Variants in SH3GLB2 observed in about 807,000 individuals in gnomAD.
SH3GLB2 encodes the protein endophilin-B2.
Under a neutral mutation model 48.0 loss-of-function variants are expected in SH3GLB2, and 24 were observed. The observed-to-expected ratio is 0.50, with a 90% CI of 0.36 to 0.70. The LOEUF is 0.70. Ranked by LOEUF, SH3GLB2 falls within the 30% of genes least tolerant of loss-of-function variation. SH3GLB2 has a pLI of 0.00. For missense variants in SH3GLB2, 425 were observed against 516.0 expected, an observed-to-expected ratio of 0.82 and a Z score of 1.71; for synonymous variants, 227 against 207.6, an observed-to-expected ratio of 1.09 and a Z score of -0.80.
At chr9:129,021,432 A>G (rs369326477) in intron 2 of SH3GLB2, among the ~76,000 whole-genome samples, 1 of 152,148 alleles carries the variant, frequency 6.6e-6, no homozygotes, top group African/African-American at 2.4e-5. Context: ...TCCCTTATTA[A>G]TATGATTACA....
rs749330207 is a variant in SH3GLB2, at chr9:129,022,435, G to C, written c.64-12C>G. 3 of 1,612,610 alleles carry C rather than the reference G, an allele frequency of 1.9e-6. No individual in the cohort carries two copies. In the African/African-American group the frequency reaches 4.0e-5, roughly 22 times the overall value. On this transcript the variant is annotated splice_polypyrimidine_tract_variant and intron_variant, in intron 1 of 10. Coordinates refer to ENST00000372564, the MANE Select transcript of SH3GLB2 (RefSeq NM_020145.4). The stretch of plus-strand genomic sequence containing the variant: ...TTCTCCTCCGTGAACTACGCAGAGG[G>C]GAAGGCCAAGGGGTGGGGAGGGGGA...
chr9:129,024,822 T>C (rs1844045001), intron 1 of SH3GLB2, among the ~76,000 whole-genome samples: 1 of 148,924 alleles, frequency 6.7e-6, no homozygotes, highest in African/African-American at 2.5e-5. Context: ...TACAAAAAAT[T>C]AGCCAAGCGT....
intron 3 of SH3GLB2, among the ~76,000 whole-genome samples, chr9:129,017,735 G>T (rs1188948824): frequency 7.0e-6 from 1 of 142,340 alleles, no homozygotes; most frequent in Non-Finnish European, 1.5e-5. Context: ...CGTCTCCACT[G>T]AAAAAAAAAA....
rs1564575733 is a variant in SH3GLB2 at position 129,010,650 on chromosome 9, C to A, written c.648+20G>T. ...GCCACCCCTTCTTCCTCGAGCCCAG[C>A]CCCCCAGGCCCCAACTTACCTTGTC... On this transcript the variant is annotated intron_variant, in intron 7 of 10. Transcript: ENST00000372564. The A allele has an allele frequency of 6.2e-7, 1 of 1,613,510 alleles. No homozygotes were observed. The highest frequency in any genetic ancestry group is 1.7e-5 in the Admixed American group (1 of 59,998).
At chr9:129,017,897 CAAACA>C (rs1843531633) in intron 3 of SH3GLB2, among the ~76,000 whole-genome samples, 1 of 87,578 alleles carries the variant, frequency 1.1e-5, no homozygotes, top group African/African-American at 4.9e-5. Flanking sequence ...GATTCCGTCT[CAAACA>C]AAAAAAAAAA....
intron 1 of SH3GLB2, among the ~76,000 whole-genome samples, chr9:129,023,073 G>A (rs1843913062): frequency 2.0e-5 from 3 of 152,222 alleles, no homozygotes; most frequent in African/African-American, 7.2e-5. Context: ...GAGGAAAGAT[G>A]TGGGTTAGAC....
Position 129,022,983 on chromosome 9 carries a change from G to A in SH3GLB2, c.64-560C>T, listed in dbSNP as rs78880988. 5.1e-3 allele frequency among the ~76,000 whole-genome samples: 783 copies of A among 152,300 alleles called. 4 individuals carry two copies. The highest frequency in any genetic ancestry group is 0.017 in the African/African-American group (687 of 41,564). ...CAAGATGTGTGACTTTGGGCAAGGG[G>A]CTCTGCCTCTCTGAGCATTGGTTTC... On this transcript the variant is annotated intron_variant, in intron 1 of 10. Transcript: ENST00000372564.
At chr9:129,027,665 G>A (rs975169667) in intron 1 of SH3GLB2, among the ~76,000 whole-genome samples, 7 of 152,236 alleles carry the variant, frequency 4.6e-5, no homozygotes, top group Non-Finnish European at 8.8e-5. Context: ...CCATTGCACA[G>A]GTGCGGAGAC....
chr9:129,026,149 AC>A (rs1844149458), intron 1 of SH3GLB2, among the ~76,000 whole-genome samples: 1 of 152,070 alleles, frequency 6.6e-6, no homozygotes, highest in African/African-American at 2.4e-5. Context: ...TCCCAGAATG[AC>A]CCATACAAAA....
At position 129,011,130 on chromosome 9, in the gene SH3GLB2, CAA is replaced by C. The variant is rs956291671; in HGVS notation, c.625-439_625-438del. 1.2e-5 allele frequency: 2 copies of C among 169,522 alleles called. No homozygotes were observed. Among genetic ancestry groups the C allele is most frequent in the African/African-American group, 4.8e-5 (2 of 41,958 alleles). 10.5% of individuals were successfully genotyped at this position (169,522 alleles called of 1,614,324 possible). A position where few individuals can be genotyped will look rare whatever the true frequency, so the allele number is the denominator to read the frequency against. On this transcript the variant is annotated intron_variant, in intron 6 of 10. Transcript: ENST00000372564. The surrounding 1 kb of genome is among the most constrained non-coding windows in gnomAD (Gnocchi z 4.5). ...CTTGAGTCACACTGGGACTCAATGG[CAA>C]AAGAAAAACAGGGCAGTCTCCACCC... is the stretch of plus-strand genomic sequence containing the variant.
At chr9:129,012,371 C>G in intron 5 of SH3GLB2, 73 bp from the exon 6 acceptor site, 1 of 984,644 alleles carries the variant, frequency 1.0e-6, no homozygotes, top group Non-Finnish European at 1.3e-6. Context: ...CAGGAGGCTA[C>G]CCCAGAGTCT....
Position 129,011,935 on chromosome 9 carries a change from G to C in SH3GLB2, c.624+301C>G. The stretch of plus-strand genomic sequence containing the variant: ...GACAGCAGGAGGTGGAGGGGCCCTG[G>C]GGATGGGACAGCTGCCGCCCTGAGT... On this transcript the variant is annotated intron_variant, in intron 6 of 10. Coordinates refer to ENST00000372564, the MANE Select transcript of SH3GLB2 (RefSeq NM_020145.4). This position sits in a 1 kb window ranked among gnomAD's most constrained non-coding sequence, Gnocchi z 4.5. 1 of 340,912 alleles carries C rather than the reference G, an allele frequency of 2.9e-6. No homozygotes were observed. Among genetic ancestry groups the C allele is most frequent in the African/African-American group, 2.1e-5 (1 of 47,420 alleles). The allele number at this position is 340,912 out of a possible 1,614,324, so 21.1% of individuals were successfully genotyped here. A position where few individuals can be genotyped will look rare whatever the true frequency, so the allele number is the denominator to read the frequency against.
At chr9:129,010,362 C>T in intron 7 of SH3GLB2, 153 bp from the exon 8 acceptor site, 1 of 680,908 alleles carries the variant, frequency 1.5e-6, no homozygotes, top group Non-Finnish European at 2.5e-6. Context: ...CCTGGAGCCC[C>T]AACCCCAGAG....
rs950907473 is a variant in SH3GLB2, at chr9:129,014,779, T to C, written c.460A>G (p.Thr154Ala). The C allele has an allele frequency of 6.2e-7, 1 of 1,612,950 alleles. No individual in the cohort carries two copies. The highest frequency in any genetic ancestry group is 8.5e-7 in the Non-Finnish European group (1 of 1,179,630). ...AGTCCCAGGGCCCTCACCGAGATGG[T>C]CTTCCAGTCCCCCTCCAGGAAGTTG... ...LRNFLEGDWK[T>A]ISKERRLLQN... is the part of the protein sequence containing the mutation. The change falls in exon 4 of 11, where the codon ACC becomes GCC. Residue 154 changes from threonine to alanine, a missense_variant. Coordinates refer to ENST00000372564, the MANE Select transcript of SH3GLB2 (RefSeq NM_020145.4). This position sits in a 1 kb window ranked among gnomAD's most constrained non-coding sequence, Gnocchi z 4.1.
intron 3 of SH3GLB2, among the ~76,000 whole-genome samples, chr9:129,016,329 G>A (rs1166070172): frequency 8.8e-6 from 1 of 114,016 alleles, no homozygotes; most frequent in Non-Finnish European, 1.7e-5. Flanking sequence ...GGCAACAAGA[G>A]CAAGACTGTC....
rs756747091 is a variant in SH3GLB2, at chr9:129,014,771, C to T, written c.468G>A (p.Ser156=). ...NFLEGDWKTI[S]KERRLLQNRR... is the part of the protein sequence containing the mutation. Reference sequence around the variant, plus strand: ...AGCGGAATAGTCCCAGGGCCCTCACCGAGATGGTCTTCCAGTCCCCCTCCA... The same window carrying T: ...AGCGGAATAGTCCCAGGGCCCTCACTGAGATGGTCTTCCAGTCCCCCTCCA... Residue 156 remains serine, a splice_region_variant and synonymous_variant, in exon 4 of 11, where the codon TCG becomes TCA. Transcript: ENST00000372564. This position sits in a 1 kb window ranked among gnomAD's most constrained non-coding sequence, Gnocchi z 4.1. The T allele has an allele frequency of 3.1e-6, 5 of 1,612,628 alleles. No individual in the cohort carries two copies. Among genetic ancestry groups the T allele is most frequent in the Non-Finnish European group, 4.2e-6 (5 of 1,179,458 alleles).
rs1230822663 is a variant in SH3GLB2, at chr9:129,009,795, A to C, written c.815T>G (p.Leu272Arg). Reference protein sequence around the residue: ...TYYAQCYRHMLDLQKQLGRFP... With the variant: ...TYYAQCYRHMRDLQKQLGRFP... ...CCTGCCCAGCTGCTTCTGCAAGTCC[A>C]GCATGTGGCGGTAGCACTGTGCGTA... The change falls in exon 9 of 11, where the codon CTG becomes CGG. Residue 272 changes from leucine (L) to arginine (R), a missense_variant. Leu to Arg is a moderately radical substitution (Grantham distance 102). Transcript: ENST00000372564. 1 of 1,613,740 alleles carries C rather than the reference A, an allele frequency of 6.2e-7. No individual in the cohort carries two copies. The highest frequency in any genetic ancestry group is 1.7e-5 in the Admixed American group (1 of 59,946).
At position 129,028,193 on chromosome 9, in the gene SH3GLB2, G is replaced by A; in HGVS notation, c.-39C>T. On this transcript the variant is annotated 5_prime_UTR_variant, in exon 1 of 11. Transcript: ENST00000372564. ...GGCCGCCGCGCACGGCCCGAGCGCA[G>A]CCGGCAGCCCCCGGCCCAGCCGCCG... 13 of 1,297,462 alleles carry A rather than the reference G, an allele frequency of 1.0e-5. No homozygotes were observed. The highest frequency in any genetic ancestry group is 1.3e-5 in the Non-Finnish European group (13 of 1,017,430). 80.4% of individuals were successfully genotyped at this position (1,297,462 alleles called of 1,614,324 possible).
chr9:129,012,978 C>T, intron 5 of SH3GLB2: 1 of 1,551,004 alleles, frequency 6.4e-7, no homozygotes, highest in Non-Finnish European at 8.7e-7. Context: ...AGACCGGAAG[C>T]AGCACAGCGC....
Sources: allele counts gnomAD v4.1 joint callset (sites outside exome capture counted in the v4.1 genomes callset), GRCh38; gene constraint gnomAD v4.1.1; non-coding constraint Gnocchi (gnomAD v3.1); transcripts MANE v1.5; gene names NCBI Gene and HGNC (gene_info 2026-07-23, HGNC 2026-07-21).